The following MEIS1 variants were observed in gnomAD, a reference collection of about 807,000 sequenced individuals.
The protein encoded by MEIS1 is homeobox protein Meis1.
In MEIS1, 5 loss-of-function variants were observed where a neutral mutation model predicts 50.8. That is an observed-to-expected ratio of 0.10 (90% CI 0.05 to 0.21). The LOEUF is 0.21. Ranked by LOEUF, MEIS1 falls within the 10% of genes least tolerant of loss-of-function variation. The probability of loss-of-function intolerance (pLI) is 1.00; values close to 1 mark genes in which losing one functional copy is unlikely to be tolerated. For synonymous variants in MEIS1, 176 were observed against 179.3 expected, an observed-to-expected ratio of 0.98 and a Z score of 0.15; for missense variants, 318 against 517.3, an observed-to-expected ratio of 0.61 and a Z score of 3.74.
intron 7 of MEIS1, among the ~76,000 whole-genome samples, chr2:66,494,287 T>G (rs1163174323): frequency 6.6e-6 from 1 of 152,202 alleles, no homozygotes; most frequent in Non-Finnish European, 1.5e-5. Flanking sequence ...AAAGTTTTCT[T>G]ATAATGAATT....
intron 8 of MEIS1, among the ~76,000 whole-genome samples, chr2:66,513,391 C>G (rs1009350589): frequency 6.6e-6 from 1 of 151,916 alleles, no homozygotes; most frequent in South Asian, 2.1e-4. Flanking sequence ...GCCTGTTTAC[C>G]TTCATACCTG....
chr2:66,520,446 A>G (rs981783910), intron 8 of MEIS1, among the ~76,000 whole-genome samples: 1 of 151,602 alleles, frequency 6.6e-6, no homozygotes, highest in African/African-American at 2.4e-5. Context: ...GGGCTACTGC[A>G]CTCCAGCCTG....
Position 66,437,836 on chromosome 2 carries a change from C to G in MEIS1, c.112C>G (p.His38Asp). 6.2e-7 allele frequency: 1 copy of G among 1,613,902 alleles called. No individual in the cohort carries two copies. The highest frequency in any genetic ancestry group is 8.5e-7 in the Non-Finnish European group (1 of 1,179,858). The change falls in exon 2 of 13, where the codon CAC (histidine) becomes GAC (aspartate). Residue 38 changes from histidine (H) to aspartate (D), a missense_variant. This residue lies in a region of MEIS1 where 100 missense variants were observed against 107.1 expected (regional missense o/e 0.93). Transcript: ENST00000272369. ...AGCCAGGTCCATGCAGCCGGTCCACCACCTGAACCACGGGCCTCCTCTGCA... is the reference window on the plus strand; with the variant it reads ...AGCCAGGTCCATGCAGCCGGTCCACGACCTGAACCACGGGCCTCCTCTGCA... The part of the protein sequence containing the change: ...HAARSMQPVH[H>D]LNHGPPLHSH...
At chr2:66,525,780 C>A (rs922582711) in intron 8 of MEIS1, among the ~76,000 whole-genome samples, 12 of 152,298 alleles carry the variant, frequency 7.9e-5, no homozygotes, top group African/African-American at 2.9e-4. Flanking sequence ...TGTGGTTCAC[C>A]TCCACCACAA....
At chr2:66,531,413 A>C (rs1234765103) in intron 8 of MEIS1, among the ~76,000 whole-genome samples, 4 of 152,258 alleles carry the variant, frequency 2.6e-5, no homozygotes, top group Non-Finnish European at 5.9e-5. Context: ...ACAAGCAAAC[A>C]TGCTCACAGA....
intron 8 of MEIS1, among the ~76,000 whole-genome samples, chr2:66,524,979 A>G (rs949554903): frequency 6.6e-6 from 1 of 152,138 alleles, no homozygotes; most frequent in African/African-American, 2.4e-5. Flanking sequence ...AGACCAGGAC[A>G]GGCAGATTGC....
intron 7 of MEIS1, among the ~76,000 whole-genome samples, chr2:66,469,393 A>G (rs1032104214): frequency 9.9e-5 from 15 of 152,150 alleles, no homozygotes; most frequent in African/African-American, 3.4e-4. Context: ...CTCTCCAGGC[A>G]GTTGTTCCAG....
chr2:66,564,809 G>C (rs1171554072), intron 9 of MEIS1, among the ~76,000 whole-genome samples: 1 of 151,800 alleles, frequency 6.6e-6, no homozygotes, highest in African/African-American at 2.4e-5. Flanking sequence ...TGCCATGTTG[G>C]TGTGCTGCCC....
At chr2:66,546,398 C>T (rs1404781667) in intron 8 of MEIS1, among the ~76,000 whole-genome samples, 2 of 152,130 alleles carry the variant, frequency 1.3e-5, no homozygotes, top group Admixed American at 6.5e-5. Flanking sequence ...ACAGGCCTTG[C>T]AGGCCATGGT....
At chr2:66,472,301 TA>T (rs1672780416) in intron 7 of MEIS1, among the ~76,000 whole-genome samples, 1 of 152,204 alleles carries the variant, frequency 6.6e-6, no homozygotes, top group Admixed American at 6.5e-5. Context: ...AGCATCCATT[TA>T]ATGTAGCCCA....
chr2:66,481,577 G>T (rs1673016582), intron 7 of MEIS1, among the ~76,000 whole-genome samples: 1 of 152,326 alleles, frequency 6.6e-6, no homozygotes, highest in Admixed American at 6.5e-5. Context: ...GGTTGCAAGA[G>T]TTGGGGCCTG....
At chr2:66,489,520 T>C (rs2103803517) in intron 7 of MEIS1, among the ~76,000 whole-genome samples, 1 of 152,336 alleles carries the variant, frequency 6.6e-6, no homozygotes, top group East Asian at 1.9e-4. Flanking sequence ...AAAACTTCAA[T>C]CAACTTGCTT....
chr2:66,452,016 T>C (rs1182115069), intron 6 of MEIS1, among the ~76,000 whole-genome samples: 3 of 151,940 alleles, frequency 2.0e-5, no homozygotes, highest in African/African-American at 7.2e-5. Flanking sequence ...CCAGCCAATA[T>C]ATATATAGAA....
Position 66,441,399 on chromosome 2 carries a change from T to G in MEIS1, c.433-15T>G. 1 of 1,540,622 alleles carries G rather than the reference T, an allele frequency of 6.5e-7. No homozygotes were observed. The highest frequency in any genetic ancestry group is 1.3e-5 in the South Asian group (1 of 79,232). ...AGCCAGGAATGGGGTGCTTATTGTT[T>G]TTGTATCTTTGCAGATGATTCAAGC... On this transcript the variant is annotated splice_polypyrimidine_tract_variant and intron_variant, in intron 4 of 12. Coordinates refer to ENST00000272369, the MANE Select transcript of MEIS1 (RefSeq NM_002398.3).
chr2:66,464,086 G>A, intron 6 of MEIS1, 23 bp from the exon 7 acceptor site: 1 of 1,549,346 alleles, frequency 6.5e-7, no homozygotes. Flanking sequence ...TCTTATTTGG[G>A]TTTCTGATTT....
At chr2:66,497,250 A>G in intron 7 of MEIS1, among the ~76,000 whole-genome samples, 1 of 152,224 alleles carries the variant, frequency 6.6e-6, no homozygotes, top group East Asian at 1.9e-4. Context: ...GCCTCAAGTC[A>G]GATCTGGGTT....
intron 7 of MEIS1, among the ~76,000 whole-genome samples, chr2:66,509,478 C>A (rs1368220615): frequency 1.3e-5 from 2 of 152,204 alleles, no homozygotes; most frequent in African/African-American, 4.8e-5. Context: ...GTAGGAAGAA[C>A]AAACTGTGCA....
intron 9 of MEIS1, among the ~76,000 whole-genome samples, 176 bp from the exon 10 acceptor site, chr2:66,567,277 T>C (rs1675371604): frequency 6.6e-6 from 1 of 152,132 alleles, no homozygotes; most frequent in South Asian, 2.1e-4. Context: ...CAAAGGTCAC[T>C]GGGGGTTACA....
intron 7 of MEIS1, among the ~76,000 whole-genome samples, chr2:66,479,545 T>G (rs1210702918): frequency 6.6e-6 from 1 of 152,236 alleles, no homozygotes; most frequent in African/African-American, 2.4e-5. Flanking sequence ...TTTTTGAAAC[T>G]GTCATGTTAG....
Sources: allele counts gnomAD v4.1 joint callset (sites outside exome capture counted in the v4.1 genomes callset), GRCh38; gene constraint gnomAD v4.1.1; regional missense constraint gnomAD v4.1.1; transcripts MANE v1.5; gene names NCBI Gene and HGNC (gene_info 2026-07-23, HGNC 2026-07-21).